CDC14B: variants seen among roughly 807,000 people sequenced by gnomAD.
The protein encoded by CDC14B is cell division cycle 14B, also known as dual specificity protein phosphatase CDC14B.
In CDC14B, 22 loss-of-function variants were observed where a neutral mutation model predicts 64.2. The observed-to-expected ratio is 0.34, with a 90% confidence interval of 0.24 to 0.49. The LOEUF (loss-of-function observed/expected upper bound fraction) is 0.49. CDC14B is among the 20% of genes least tolerant of loss of function. CDC14B has a pLI of 0.99. For synonymous variants in CDC14B, 191 were observed against 215.8 expected (o/e 0.89, Z 1.01); for missense variants, 498 against 629.9 (o/e 0.79, Z 2.24).
exon 14 of CDC14B, chr9:96,491,294 A>G (rs1414427370): frequency 6.6e-6 from 1 of 152,208 alleles, no homozygotes; most frequent in East Asian, 1.9e-4. Flanking sequence ...GGTGGCTTTG[A>G]ACTGGAACCC....
chr9:96,544,775 G>A (rs1041027984), intron 5 of CDC14B, among the ~76,000 whole-genome samples: 1 of 152,144 alleles, frequency 6.6e-6, no homozygotes, highest in African/African-American at 2.4e-5. Context: ...GGGATTACAG[G>A]TGTGAGCCAC....
chr9:96,517,494 T>C (rs889033290), intron 12 of CDC14B, among the ~76,000 whole-genome samples: 5 of 144,746 alleles, frequency 3.5e-5, no homozygotes, highest in African/African-American at 1.3e-4. Flanking sequence ...CTACTAAAAA[T>C]ACAAAAAATT....
chr9:96,599,269 T>C (rs1249142708), intron 1 of CDC14B, among the ~76,000 whole-genome samples: 1 of 151,930 alleles, frequency 6.6e-6, no homozygotes, highest in Non-Finnish European at 1.5e-5. Flanking sequence ...TAATCCCAGC[T>C]ACTCGGGAAG....
At chr9:96,613,374 C>T (rs1390749115) in intron 1 of CDC14B, among the ~76,000 whole-genome samples, 1 of 152,188 alleles carries the variant, frequency 6.6e-6, no homozygotes, top group Non-Finnish European at 1.5e-5. Flanking sequence ...TTCAAAAGCA[C>T]AGAGCAATTA....
chr9:96,513,943 G>C (rs1431836484), intron 12 of CDC14B, among the ~76,000 whole-genome samples: 1 of 152,220 alleles, frequency 6.6e-6, no homozygotes, highest in East Asian at 1.9e-4. Flanking sequence ...TGATGACAGA[G>C]GATGGTGGAG....
At chr9:96,561,284 T>C (rs977689711) in intron 4 of CDC14B, among the ~76,000 whole-genome samples, 33 of 152,318 alleles carry the variant, frequency 2.2e-4, no homozygotes, top group Admixed American at 8.5e-4. Flanking sequence ...ATATACCTTA[T>C]ACATAAAAAA....
intron 12 of CDC14B, among the ~76,000 whole-genome samples, chr9:96,519,137 A>T (rs1287103556): frequency 1.3e-5 from 2 of 152,142 alleles, no homozygotes; most frequent in Non-Finnish European, 2.9e-5. Context: ...CTCTGTCTCA[A>T]AAATAAAAAT....
At chr9:96,609,787 AG>A (rs779402318) in intron 1 of CDC14B, among the ~76,000 whole-genome samples, 2 of 152,244 alleles carry the variant, frequency 1.3e-5, no homozygotes, top group African/African-American at 2.4e-5. Context: ...CACAGACATC[AG>A]GAACAAGATG....
chr9:96,496,195 A>G (rs1228613486), downstream of CDC14B: 2 of 435,790 alleles, frequency 4.6e-6, no homozygotes, highest in East Asian at 1.4e-4. Context: ...TGGAAGAATG[A>G]GGCAGACGCA....
chr9:96,580,095 T>C (rs1398429811), intron 1 of CDC14B, among the ~76,000 whole-genome samples: 1 of 152,048 alleles, frequency 6.6e-6, no homozygotes, highest in Non-Finnish European at 1.5e-5. Flanking sequence ...CCAAAATCCA[T>C]GTGACATATT....
intron 12 of CDC14B, among the ~76,000 whole-genome samples, chr9:96,512,755 A>C (rs1034769674): frequency 6.6e-6 from 1 of 152,228 alleles, no homozygotes; most frequent in African/African-American, 2.4e-5. Context: ...CTACTTCTGA[A>C]GCCCAGGCCG....
rs1833722715 is a variant in CDC14B, at chr9:96,503,393, T to C, written c.*360A>G. On this transcript the variant is annotated 3_prime_UTR_variant, in exon 14 of 14. Coordinates refer to ENST00000375241, the MANE Select transcript of CDC14B (RefSeq NM_033331.4). Reference sequence around the variant, plus strand: ...AAATACATAAAAAACCTCCATCAGATCCTCAATTCTTCTGAAGGCCAGCAA... The same window carrying C: ...AAATACATAAAAAACCTCCATCAGACCCTCAATTCTTCTGAAGGCCAGCAA... 1 of 237,146 alleles carries C rather than the reference T, an allele frequency of 4.2e-6. No homozygotes were observed. Among genetic ancestry groups the C allele is most frequent in the East Asian group, 8.9e-5 (1 of 11,296 alleles). The allele number at this position is 237,146 out of a possible 1,614,324, so 14.7% of individuals were successfully genotyped here.
chr9:96,535,624 A>C (rs1348420620), intron 7 of CDC14B, among the ~76,000 whole-genome samples: 2 of 152,216 alleles, frequency 1.3e-5, no homozygotes, highest in East Asian at 3.9e-4. Context: ...CAGATAAATT[A>C]GCTTTGAAAT....
intron 1 of CDC14B, among the ~76,000 whole-genome samples, chr9:96,604,068 G>C (rs16911417): frequency 3.4e-4 from 52 of 152,122 alleles, no homozygotes; most frequent in Non-Finnish European, 5.7e-4. Flanking sequence ...CCTGGAAATG[G>C]AACTTGAACG....
intron 1 of CDC14B, 47 bp downstream of exon 1, chr9:96,619,172 C>A: frequency 4.9e-6 from 6 of 1,216,620 alleles, no homozygotes; most frequent in Non-Finnish European, 4.1e-6. Flanking sequence ...GGCCCCGCGC[C>A]GGGTGCGGCC....
At chr9:96,542,558 A>C (rs1479077912) in intron 5 of CDC14B, among the ~76,000 whole-genome samples, 3 of 151,970 alleles carry the variant, frequency 2.0e-5, no homozygotes, top group Non-Finnish European at 4.4e-5. Context: ...GGTGCAGTGC[A>C]GCTCACTGCA....
chr9:96,612,359 C>T (rs544562832), intron 1 of CDC14B, among the ~76,000 whole-genome samples: 8 of 152,360 alleles, frequency 5.3e-5, no homozygotes, highest in African/African-American at 1.9e-4. Context: ...TGCCCTTTGT[C>T]CTCGCAGCTG....
At chr9:96,550,867 A>C (rs1179968000) in intron 5 of CDC14B, among the ~76,000 whole-genome samples, 2 of 152,172 alleles carry the variant, frequency 1.3e-5, no homozygotes. Flanking sequence ...GACATCACTA[A>C]CTACCACCTC....
intron 5 of CDC14B, among the ~76,000 whole-genome samples, chr9:96,551,316 C>T (rs1459169123): frequency 6.6e-6 from 1 of 151,726 alleles, no homozygotes; most frequent in African/African-American, 2.4e-5. Context: ...GAGATGGGGT[C>T]TGTCTTTGTT....
Sources: gnomAD v4.1 joint callset for allele counts (sites outside exome capture counted in the v4.1 genomes callset) on GRCh38, gnomAD v4.1.1 for gene constraint, MANE v1.5 for transcripts, NCBI Gene and HGNC (gene_info 2026-07-23, HGNC 2026-07-21) for gene names.